Variants in ERCC2 observed in about 807,000 individuals in gnomAD.
ERCC2 encodes the protein general transcription and DNA repair factor IIH helicase subunit XPD.
Under a neutral mutation model 99.4 loss-of-function variants are expected in ERCC2, and 90 were observed. That is an observed-to-expected ratio of 0.91 (90% CI 0.76 to 1.08). ERCC2 has a LOEUF of 1.08. Ranked by LOEUF, ERCC2 falls within the 50% of genes least tolerant of loss-of-function variation. ERCC2 has a pLI of 0.00. For missense variants in ERCC2, 993 were observed against 1,038.1 expected (o/e 0.96, Z 0.60); for synonymous variants, 497 against 432.4 (o/e 1.15, Z -1.85).
At chr19:45,362,412 C>T (rs1972256623) in intron 11 of ERCC2, among the ~76,000 whole-genome samples, 1 of 152,226 alleles carries the variant, frequency 6.6e-6, no homozygotes, top group South Asian at 2.1e-4. Flanking sequence ...CAGTCAACAC[C>T]CACATCCCAC....
chr19:45,356,454 A>C (rs1304962752), intron 15 of ERCC2, among the ~76,000 whole-genome samples: 3 of 152,040 alleles, frequency 2.0e-5, no homozygotes, highest in Admixed American at 1.3e-4. Flanking sequence ...CCCAGACCCC[A>C]CTGTGGGCAT....
chr19:45,353,005 G>A (rs1318822450), intron 19 of ERCC2, 78 bp downstream of exon 19: 28 of 1,488,526 alleles, frequency 1.9e-5, no homozygotes, highest in Non-Finnish European at 2.6e-5. Context: ...GTTCCCCGCG[G>A]GAGCAGACAG....
chr19:45,357,907 C>T (rs1306012504), intron 12 of ERCC2: 2 of 616,004 alleles, frequency 3.2e-6, no homozygotes, highest in African/African-American at 1.8e-5. Context: ...CGGGCCCACA[C>T]CTGTGCAAAC....
rs756802959 is a variant in ERCC2 at position 45,364,469 on chromosome 19, G to C, written c.673C>G (p.Leu225Val). 12 of 1,613,932 alleles carry C rather than the reference G, an allele frequency of 7.4e-6. No individual in the cohort carries two copies. Among genetic ancestry groups the C allele is most frequent in the Non-Finnish European group, 1.0e-5 (12 of 1,180,022 alleles). The change falls in exon 8 of 23, where the codon CTG becomes GTG. Residue 225 changes from leucine (L) to valine (V), a missense_variant. This residue lies in a region of ERCC2 where 909 missense variants were observed against 930.8 expected (regional missense o/e 0.98). Transcript: ENST00000391945. ...PKIADLVSKE[L>V]ARKAVVVFDE... ...AAGACCACGACGGCCTTGCGGGCCA[G>C]TTCCTTGGACACCAGGTCTGCAATC... is the stretch of plus-strand genomic sequence containing the variant.
Position 45,364,083 on chromosome 19 carries a change from C to T in ERCC2, c.852G>A (p.Glu284=), listed in dbSNP as rs1261064358. The T allele has an allele frequency of 1.0e-5, 16 of 1,599,926 alleles. No homozygotes were observed. The highest frequency in any genetic ancestry group is 9.0e-5 in the East Asian group (4 of 44,202). The part of the protein sequence containing the change: ...KETDEQRLRD[E]YRRLVEGLRE... The stretch of plus-strand genomic sequence containing the variant: ...GCAGCCCCTCCACCAGACGCCGGTA[C>T]TCGTCCCGCAGGCGCTGCTCGTCTG... Residue 284 remains glutamate (E), a synonymous_variant, in exon 10 of 23, where the codon GAG becomes GAA. Coordinates refer to ENST00000391945, the MANE Select transcript of ERCC2 (RefSeq NM_000400.4).
intron 17 of ERCC2, among the ~76,000 whole-genome samples, 154 bp downstream of exon 17, chr19:45,354,576 G>A (rs1384627981): frequency 2.6e-5 from 4 of 152,162 alleles, no homozygotes; most frequent in Non-Finnish European, 5.9e-5. Flanking sequence ...ATGGGGGTGT[G>A]TGCTGCTTAC....
At position 45,354,826 on chromosome 19, in the gene ERCC2, G is replaced by C. The variant is rs1467600321; in HGVS notation, c.1569C>G (p.Leu523=). 6.2e-7 allele frequency: 1 copy of C among 1,614,140 alleles called. No homozygotes were observed. Among genetic ancestry groups the C allele is most frequent in the South Asian group, 1.1e-5 (1 of 91,082 alleles). ...DIAVIRNYGN[L]LLEMSAVVPD... ...GGACCACAGCGGACATCTCCAGCAGGAGGTTCCCATAGTTCCGGATCACAG... is the reference window on the plus strand; with the variant it reads ...GGACCACAGCGGACATCTCCAGCAGCAGGTTCCCATAGTTCCGGATCACAG... The change falls in exon 17 of 23, where the codon CTC becomes CTG. Residue 523 remains leucine, a synonymous_variant. Coordinates refer to ENST00000391945, the MANE Select transcript of ERCC2 (RefSeq NM_000400.4).
chr19:45,358,925 G>T (rs1568537713), intron 12 of ERCC2: 1 of 770,446 alleles, frequency 1.3e-6, no homozygotes, highest in Non-Finnish European at 2.4e-6. Flanking sequence ...GTTTGTTGAA[G>T]AAATAAATGA....
intron 4 of ERCC2, 60 bp from the exon 5 acceptor site, chr19:45,368,803 C>A: frequency 6.4e-7 from 1 of 1,553,150 alleles, no homozygotes; most frequent in Non-Finnish European, 8.9e-7. Context: ...AACCCCTGCC[C>A]TGCCAGGTCC....
rs1172840777 is a variant in ERCC2, at chr19:45,352,250, CCACCTGGA to C, written c.2141_2148del (p.Val714GlyfsTer57). Reference sequence around the variant, plus strand: ...GCCATCTGCCGCAGGAAGTACTTGGCCACCTGGACACCCTCGTCCACGGTCAGGTTGAG... The same window carrying C: ...GCCATCTGCCGCAGGAAGTACTTGGCCACCCTCGTCCACGGTCAGGTTGAG... On this transcript the variant is annotated frameshift_variant, in exon 22 of 23. Transcript: ENST00000391945. LOFTEE classifies it high-confidence loss of function. The C allele has an allele frequency of 3.7e-6, 6 of 1,614,084 alleles. No homozygotes were observed. The highest frequency in any genetic ancestry group is 5.1e-6 in the Non-Finnish European group (6 of 1,180,008).
rs979588979 is a variant in ERCC2 at position 45,351,426 on chromosome 19, A to AG, written c.*202dup. 8.8e-6 allele frequency: 14 copies of AG among 1,592,218 alleles called. No homozygotes were observed. The highest frequency in any genetic ancestry group is 5.4e-5 in the African/African-American group (4 of 74,642). On this transcript the variant is annotated 3_prime_UTR_variant, in exon 23 of 23. Coordinates refer to ENST00000391945, the MANE Select transcript of ERCC2 (RefSeq NM_000400.4). ...AGGAGGGATGGGCTGGTGGGGTGAG[A>AG]GGGGGTCTATCATCTCCTGGCCCCC... is the stretch of plus-strand genomic sequence containing the variant.
At position 45,350,678 on chromosome 19, in the gene ERCC2, A is replaced by G. The variant is rs750413106; in HGVS notation, c.*951T>C. 3.1e-6 allele frequency: 5 copies of G among 1,613,548 alleles called. No individual in the cohort carries two copies. Among genetic ancestry groups the G allele is most frequent in the African/African-American group, 1.3e-5 (1 of 74,822 alleles). On this transcript the variant is annotated 3_prime_UTR_variant, in exon 23 of 23. Transcript: ENST00000391945. ...AGCAGCTCACTCTCCAAGATCCGTG[A>G]GTCTATCAGGCGAGGAAGTGAGAAG...
chr19:45,365,010 G>A (rs764685599), intron 6 of ERCC2, 32 bp downstream of exon 6: 3 of 1,609,256 alleles, frequency 1.9e-6, no homozygotes, highest in South Asian at 2.2e-5. Context: ...TACCTGTCCT[G>A]CCTCCCTCCC....
rs1427879797 is a variant in ERCC2 at position 45,353,325 on chromosome 19, C to G, written c.1675G>C (p.Glu559Gln). ...AGCAGCTTGTTCCTCTGGATGTTCT[C>G]AAGGATCCCCTGGGGAAGGACCCAG... ...VASWYEQGIL[E>Q]NIQRNKLLFI... The change falls in exon 18 of 23, where the codon GAG becomes CAG. Residue 559 changes from glutamate (E) to glutamine (Q), a missense_variant. Glu to Gln is a conservative substitution (Grantham distance 29, BLOSUM62 2). Coordinates refer to ENST00000391945, the MANE Select transcript of ERCC2 (RefSeq NM_000400.4). 6.2e-7 allele frequency: 1 copy of G among 1,613,654 alleles called. No homozygotes were observed. Among genetic ancestry groups the G allele is most frequent in the Non-Finnish European group, 8.5e-7 (1 of 1,179,780 alleles).
Position 45,351,252 on chromosome 19 carries a change from CTCCCCTCCAACCA to C in ERCC2, c.*364_*376del. The stretch of plus-strand genomic sequence containing the variant: ...GGTGGATGTAACACTTGCCCCTCAC[CTCCCCTCCAACCA>C]TCCCCTGTGCCTGTCTCCAGTTTCC... On this transcript the variant is annotated 3_prime_UTR_variant, in exon 23 of 23. Transcript: ENST00000391945. 2 of 1,599,244 alleles carry C rather than the reference CTCCCCTCCAACCA, an allele frequency of 1.3e-6. No individual in the cohort carries two copies. The highest frequency in any genetic ancestry group is 2.2e-5 in the South Asian group (2 of 89,590).
chr19:45,361,605 G>A lies in ERCC2; in HGVS notation c.1156C>T (p.Leu386=), dbSNP rs1972222499. ...AERLRSLLHT[L]EITDLADFSP... ...AAGTCAGCAAGGTCGGTGATCTCCA[G>A]AGTATGCAGCAGGGACCGGAGGCGT... Residue 386 remains leucine (L), a synonymous_variant, in exon 12 of 23, where the codon CTG becomes TTG. Coordinates refer to ENST00000391945, the MANE Select transcript of ERCC2 (RefSeq NM_000400.4). 1 of 1,614,036 alleles carries A rather than the reference G, an allele frequency of 6.2e-7. No homozygotes were observed. Among genetic ancestry groups the A allele is most frequent in the Middle Eastern group, 1.6e-4 (1 of 6,062 alleles).
rs1166387833 is a variant in ERCC2, at chr19:45,349,879, CCT to C, written c.*1748_*1749del. On this transcript the variant is annotated 3_prime_UTR_variant, in exon 23 of 23. Transcript: ENST00000391945. ...TATTGAGCTCACTGTGGCCGGCTCC[CCT>C]CTTAGCCCGGTCCCCACATCGCTAG... The C allele has an allele frequency of 1.3e-5, 6 of 479,142 alleles. No homozygotes were observed. Among genetic ancestry groups the C allele is most frequent in the Admixed American group, 7.6e-5 (2 of 26,234 alleles). 29.7% of individuals were successfully genotyped at this position (479,142 alleles called of 1,614,324 possible).
intron 20 of ERCC2, 30 bp from the exon 21 acceptor site, chr19:45,352,679 A>T: frequency 6.2e-7 from 1 of 1,613,808 alleles, no homozygotes; most frequent in Non-Finnish European, 8.5e-7. Context: ...GAAGCTGGGG[A>T]GGTGGGGGAG....
chr19:45,354,968 A>T, intron 16 of ERCC2, 117 bp from the exon 17 acceptor site: 1 of 1,308,360 alleles, frequency 7.6e-7, no homozygotes, highest in East Asian at 2.3e-5. Flanking sequence ...TTTCACACAT[A>T]TCCCCCTCCT....
Sources: allele counts gnomAD v4.1 joint callset (sites outside exome capture counted in the v4.1 genomes callset), GRCh38; gene constraint gnomAD v4.1.1; regional missense constraint gnomAD v4.1.1; transcripts MANE v1.5; gene names NCBI Gene and HGNC (gene_info 2026-07-23, HGNC 2026-07-21).